RAD1: variants seen among roughly 807,000 people sequenced by gnomAD.
RAD1 encodes cell cycle checkpoint protein RAD1.
RAD1 carries 21 observed loss-of-function variants against 30.0 expected under a neutral mutation model. The observed-to-expected ratio is 0.70, with a 90% CI of 0.50 to 1.01. The LOEUF is 1.01. RAD1 is among the 50% of genes least tolerant of loss of function. The pLI is 0.00. For missense variants in RAD1, 329 were observed against 329.0 expected, an observed-to-expected ratio of 1.00 and a Z score of 0.00; for synonymous variants, 109 against 113.6, an observed-to-expected ratio of 0.96 and a Z score of 0.26.
In RAD1 at chr5:34,908,619, A is replaced by G; in HGVS notation, c.*146T>C. On this transcript the variant is annotated 3_prime_UTR_variant, in exon 6 of 6. Coordinates refer to ENST00000382038, the MANE Select transcript of RAD1 (RefSeq NM_002853.4). ...AATGGATTTACAAAACATAGTAACT[A>G]TTAGGGTACATGACCTTGCTCCTAT... 4 of 646,512 alleles carry G rather than the reference A, an allele frequency of 6.2e-6. No homozygotes were observed. The highest frequency in any genetic ancestry group is 1.1e-5 in the Non-Finnish European group (4 of 378,584). The allele number at this position is 646,512 out of a possible 1,614,324, so 40.0% of individuals were successfully genotyped here.
In RAD1 at chr5:34,911,622, T is replaced by C; in HGVS notation, c.498A>G (p.Ala166=). The C allele has an allele frequency of 6.2e-7, 1 of 1,614,070 alleles. No homozygotes were observed. The highest frequency in any genetic ancestry group is 2.2e-5 in the East Asian group (1 of 44,870). ...IILQSEGLRE[A]FSELDMTSEV... ...CACTCGTCATATCCAATTCAGAAAATGCTTCACGGAGCCCCTCTGACTGCA... is the reference window on the plus strand; with the variant it reads ...CACTCGTCATATCCAATTCAGAAAACGCTTCACGGAGCCCCTCTGACTGCA... Residue 166 remains alanine, a synonymous_variant, in exon 4 of 6, where the codon GCA becomes GCG. Transcript: ENST00000382038.
rs181204775 is a variant in RAD1 at position 34,913,658 on chromosome 5, C to T, written c.199-80G>A. 1.2e-5 allele frequency: 10 copies of T among 825,192 alleles called. No individual in the cohort carries two copies. In the Admixed American group the frequency reaches 1.3e-4, roughly 11 times the overall value. The allele number at this position is 825,192 out of a possible 1,614,324, so 51.1% of individuals were successfully genotyped here. On this transcript the variant is annotated intron_variant, in intron 2 of 5. Transcript: ENST00000382038. ...ATAAGGTCCTAGATTTCACTTTATA[C>T]GTTTAAAAAATACAATACTGTGCTA...
At position 34,911,633 on chromosome 5, in the gene RAD1, G is replaced by C. The variant is rs747869392; in HGVS notation, c.487C>G (p.Leu163Val). 13 of 1,613,982 alleles carry C rather than the reference G, an allele frequency of 8.1e-6. No homozygotes were observed. The highest frequency in any genetic ancestry group is 1.6e-4 in the Middle Eastern group (1 of 6,084). ...TCCAATTCAGAAAATGCTTCACGGA[G>C]CCCCTCTGACTGCAGAATAATTTTA... Reference protein sequence around the residue: ...INKIILQSEGLREAFSELDMT... With the variant: ...INKIILQSEGVREAFSELDMT... The change falls in exon 4 of 6, where the codon CTC becomes GTC. Residue 163 changes from leucine (L) to valine (V), a missense_variant. Leu to Val is a conservative substitution (Grantham distance 32). Transcript: ENST00000382038.
At position 34,914,364 on chromosome 5, in the gene RAD1, C is replaced by A. The variant is rs1763968731; in HGVS notation, c.198+331G>T. 13 of 315,414 alleles carry A rather than the reference C, an allele frequency of 4.1e-5. No homozygotes were observed. The South Asian group carries it at 4.2e-4, about 10-fold the overall frequency. The allele number at this position is 315,414 out of a possible 1,614,324, so 19.5% of individuals were successfully genotyped here. A position where few individuals can be genotyped will look rare whatever the true frequency, so the allele number is the denominator to read the frequency against. On this transcript the variant is annotated intron_variant, in intron 2 of 5. Coordinates refer to ENST00000382038, the MANE Select transcript of RAD1 (RefSeq NM_002853.4). Reference sequence around the variant, plus strand: ...AAACGGGAATAATAACAGAACCTACCTTACAGGACTATTGTTAAGATTAAA... The same window carrying A: ...AAACGGGAATAATAACAGAACCTACATTACAGGACTATTGTTAAGATTAAA...
intron 1 of RAD1, 66 bp from the exon 2 acceptor site, chr5:34,915,027 G>A: frequency 2.2e-6 from 2 of 903,148 alleles, no homozygotes. Context: ...CACCTGCGCT[G>A]AGAGGTGGAA....
At position 34,908,151 on chromosome 5, in the gene RAD1, T is replaced by C. The variant is rs1441574899; in HGVS notation, c.*614A>G. Reference sequence around the variant, plus strand: ...TAAAAGATCATTTCAGGTAGCTGCATCAAACTTTAAGCCTTTAGACTTTTT... The same window carrying C: ...TAAAAGATCATTTCAGGTAGCTGCACCAAACTTTAAGCCTTTAGACTTTTT... On this transcript the variant is annotated 3_prime_UTR_variant, in exon 6 of 6. Transcript: ENST00000382038. The C allele has an allele frequency of 6.7e-6, 1 of 149,644 alleles. No homozygotes were observed. The highest frequency in any genetic ancestry group is 2.4e-5 in the African/African-American group (1 of 40,892). The allele number at this position is 149,644 out of a possible 1,614,324, so 9.3% of individuals were successfully genotyped here.
At chr5:34,911,920 T>G in intron 3 of RAD1, 108 bp from the exon 4 acceptor site, 1 of 1,290,362 alleles carries the variant, frequency 7.7e-7, no homozygotes, top group Non-Finnish European at 1.1e-6. Flanking sequence ...CCGCCCAATT[T>G]CTCACATATA....
Position 34,905,834 on chromosome 5 carries a change from CAAAT to C in RAD1, c.*2927_*2930del, listed in dbSNP as rs928829921. ...AAAAATTCCTGGGTCAATTAGAACA[CAAAT>C]AAGGAGGAAATTCTTTATAAAATAA... On this transcript the variant is annotated 3_prime_UTR_variant, in exon 6 of 6. Coordinates refer to ENST00000382038, the MANE Select transcript of RAD1 (RefSeq NM_002853.4). 1.3e-5 allele frequency: 2 copies of C among 152,024 alleles called. No individual in the cohort carries two copies. The highest frequency in any genetic ancestry group is 2.9e-5 in the Non-Finnish European group (2 of 67,996). 9.4% of individuals were successfully genotyped at this position (152,024 alleles called of 1,614,324 possible).
At position 34,906,895 on chromosome 5, in the gene RAD1, T is replaced by C. The variant is rs1763670705; in HGVS notation, c.*1870A>G. ...ATTAGATATTTTCCCAAGTATCTTT[T>C]AGGTTTGTTCTGTTCTTGGTGGTTA... On this transcript the variant is annotated 3_prime_UTR_variant, in exon 6 of 6. Transcript: ENST00000382038. 1 of 152,230 alleles carries C rather than the reference T, an allele frequency of 6.6e-6. No homozygotes were observed. Among genetic ancestry groups the C allele is most frequent in the Non-Finnish European group, 1.5e-5 (1 of 68,050 alleles). The allele number at this position is 152,230 out of a possible 1,614,324, so 9.4% of individuals were successfully genotyped here.
intron 3 of RAD1, 33 bp downstream of exon 3, chr5:34,913,437 C>T (rs771478422): frequency 1.5e-6 from 2 of 1,302,352 alleles, no homozygotes; most frequent in Admixed American, 4.6e-5. Flanking sequence ...CTATGTATAA[C>T]ACTTTTATGT....
intron 4 of RAD1, 102 bp downstream of exon 4, chr5:34,911,452 T>G (rs1482411265): frequency 7.1e-7 from 1 of 1,409,174 alleles, no homozygotes; most frequent in Non-Finnish European, 9.7e-7. Flanking sequence ...TTGTGAAAAC[T>G]CTAAAAATGT....
intron 3 of RAD1, among the ~76,000 whole-genome samples, chr5:34,912,714 C>T (rs37436): frequency 0.21 from 31,742 of 151,984 alleles, 3,847 homozygotes; most frequent in East Asian, 0.36. Context: ...GAAAATCATT[C>T]GGCAACCGGT....
intron 5 of RAD1, 112 bp from the exon 6 acceptor site, chr5:34,909,060 A>G: frequency 9.1e-7 from 1 of 1,101,092 alleles, no homozygotes; most frequent in South Asian, 1.5e-5. Context: ...GTACTTATCC[A>G]ATTTGCTAAT....
intron 2 of RAD1, chr5:34,914,024 C>G: frequency 2.2e-6 from 1 of 456,502 alleles, no homozygotes; most frequent in Non-Finnish European, 4.4e-6. Context: ...CCATACCATG[C>G]CCCTGCATGA....
chr5:34,911,814 T>A lies in RAD1; in HGVS notation c.308-2A>T, dbSNP rs773661496. The A allele has an allele frequency of 6.2e-7, 1 of 1,613,956 alleles. No individual in the cohort carries two copies. The highest frequency in any genetic ancestry group is 8.5e-7 in the Non-Finnish European group (1 of 1,179,882). ...ACATTCGAAGTGCAGTTAAAGTCCC[T>A]GCAATGGAAAGAAGTCATACTTGGC... On this transcript the variant is annotated splice_acceptor_variant, in intron 3 of 5. Transcript: ENST00000382038. LOFTEE classifies it high-confidence loss of function.
intron 4 of RAD1, among the ~76,000 whole-genome samples, chr5:34,910,416 T>C (rs1205683389): frequency 6.6e-6 from 1 of 151,736 alleles, no homozygotes; most frequent in African/African-American, 2.4e-5. Context: ...CAAGGGCCTG[T>C]GATTCTTTTT....
chr5:34,912,871 C>T (rs886424708), intron 3 of RAD1, among the ~76,000 whole-genome samples: 1 of 151,940 alleles, frequency 6.6e-6, no homozygotes, highest in Non-Finnish European at 1.5e-5. Context: ...CGTGGTGGCA[C>T]GTGCCTGTAA....
At position 34,911,676 on chromosome 5, in the gene RAD1, G is replaced by T; in HGVS notation, c.444C>A (p.Cys148Ter). ...EPEETLDFDF[C>*]STNVINKIIL... ...TAATTTTATTAATAACATTGGTGCT[G>T]CAGAAATCAAAGTCCAGGGTCTCCT... The change falls in exon 4 of 6, where the codon TGC becomes TGA. Residue 148 changes from cysteine (C) to a stop codon, truncating the protein, a stop_gained. Transcript: ENST00000382038. LOFTEE classifies it high-confidence loss of function. The T allele has an allele frequency of 6.2e-7, 1 of 1,614,116 alleles. No individual in the cohort carries two copies. Among genetic ancestry groups the T allele is most frequent in the Non-Finnish European group, 8.5e-7 (1 of 1,180,028 alleles).
Position 34,907,716 on chromosome 5 carries a change from T to C in RAD1, c.*1049A>G, listed in dbSNP as rs538063039. The C allele has an allele frequency of 1.9e-4, 29 of 152,334 alleles. No homozygotes were observed. The highest frequency in any genetic ancestry group is 6.7e-4 in the African/African-American group (28 of 41,578). 9.4% of individuals were successfully genotyped at this position (152,334 alleles called of 1,614,324 possible). A position where few individuals can be genotyped will look rare whatever the true frequency, so the allele number is the denominator to read the frequency against. On this transcript the variant is annotated 3_prime_UTR_variant, in exon 6 of 6. Transcript: ENST00000382038. ...AGAAGAAGAAGAAAACCTGTAACAC[T>C]GAAAATTGCTTTATATCCCATTCAT...
Sources: allele counts gnomAD v4.1 joint callset (sites outside exome capture counted in the v4.1 genomes callset), GRCh38; gene constraint gnomAD v4.1.1; transcripts MANE v1.5; gene names NCBI Gene and HGNC (gene_info 2026-07-23, HGNC 2026-07-21).